The following PARP1 variants were observed in gnomAD, a reference collection of about 807,000 sequenced individuals.
PARP1 encodes poly(ADP-ribose) polymerase 1, also known as poly [ADP-ribose] polymerase 1.
Under a neutral mutation model 118.7 loss-of-function variants are expected in PARP1, and 44 were observed. That is an observed-to-expected ratio of 0.37 (90% CI 0.29 to 0.48). PARP1 has a LOEUF of 0.48. Ranked by LOEUF, PARP1 falls within the 20% of genes least tolerant of loss-of-function variation. PARP1 has a pLI of 0.99. For synonymous variants in PARP1, 492 were observed against 483.2 expected (o/e 1.02, Z -0.24); for missense variants, 1,100 against 1,272.4 (o/e 0.86, Z 2.06).
At chr1:226,363,718 G>A (rs904235872) in intron 20 of PARP1, among the ~76,000 whole-genome samples, 2 of 152,220 alleles carry the variant, frequency 1.3e-5, no homozygotes, top group Non-Finnish European at 2.9e-5. Context: ...CAGCTCTGGA[G>A]GCCTGGCTGC....
At chr1:226,398,347 T>C (rs143328004) in intron 2 of PARP1, among the ~76,000 whole-genome samples, 2 of 152,012 alleles carry the variant, frequency 1.3e-5, no homozygotes, top group Admixed American at 6.6e-5. Context: ...TTGAGACCAG[T>C]CTGGGCAACA....
chr1:226,385,742 T>G (rs1395659175), intron 6 of PARP1, 62 bp from the exon 7 acceptor site: 41 of 1,424,764 alleles, frequency 2.9e-5, no homozygotes, highest in Admixed American at 5.0e-5. Flanking sequence ...GGACACTTAC[T>G]AATGTGGGAT....
At chr1:226,373,501 G>A (rs1475285576) in intron 14 of PARP1, among the ~76,000 whole-genome samples, 1 of 152,140 alleles carries the variant, frequency 6.6e-6, no homozygotes, top group African/African-American at 2.4e-5. Flanking sequence ...GAACAAGGGG[G>A]CCGCCCTTTT....
At chr1:226,362,658 C>T (rs2102725267) in intron 21 of PARP1, among the ~76,000 whole-genome samples, 1 of 152,260 alleles carries the variant, frequency 6.6e-6, no homozygotes, top group Admixed American at 6.5e-5. Flanking sequence ...TTCTAGCAAT[C>T]CAAGATGCTC....
intron 22 of PARP1, 147 bp from the exon 23 acceptor site, chr1:226,361,688 C>T (rs762731073): frequency 1.8e-5 from 13 of 713,512 alleles, no homozygotes; most frequent in East Asian, 1.1e-4. Flanking sequence ...CTCATCTCCC[C>T]GGGGCTGGCA....
rs1558232864 is a variant in PARP1 at position 226,363,971 on chromosome 1, G to C, written c.2758C>G (p.Leu920Val). ...TSQGDPIGLI[L>V]LGEVALGNMY... ...TTTCCAAGGGCAACTTCTCCCAACA[G>C]GATTAAGCCTATTGGGTCTCCCTGA... The change falls in exon 20 of 23, where the codon CTG (leucine) becomes GTG (valine). Residue 920 changes from leucine (L) to valine (V), a missense_variant. Leu to Val is a conservative substitution (Grantham distance 32). Coordinates refer to ENST00000366794, the MANE Select transcript of PARP1 (RefSeq NM_001618.4). 9 of 1,614,062 alleles carry C rather than the reference G, an allele frequency of 5.6e-6. No individual in the cohort carries two copies. Among genetic ancestry groups the C allele is most frequent in the Non-Finnish European group, 7.6e-6 (9 of 1,179,982 alleles).
intron 7 of PARP1, 22 bp downstream of exon 7, chr1:226,385,482 A>G (rs752347156): frequency 6.2e-7 from 1 of 1,611,426 alleles, no homozygotes; most frequent in East Asian, 2.2e-5. Context: ...AACAGATCCC[A>G]GGATCTTCCC....
rs529761343 is a variant in PARP1, at chr1:226,362,178, GTCTT to G, written c.2849-99_2849-96del. 548 of 725,302 alleles carry G rather than the reference GTCTT, an allele frequency of 7.6e-4. 2 individuals are homozygous for G. The highest frequency in any genetic ancestry group is 7.5e-3 in the African/African-American group (420 of 56,312). 44.9% of individuals were successfully genotyped at this position (725,302 alleles called of 1,614,324 possible). ...CTCTATTTGATGTTGGGTCCATGTGGTCTTTCTTTTTTTTTTTTTTCCTTTTTGA... is the reference window on the plus strand; with the variant it reads ...CTCTATTTGATGTTGGGTCCATGTGGTCTTTTTTTTTTTTTTCCTTTTTGA... On this transcript the variant is annotated intron_variant, in intron 21 of 22. Transcript: ENST00000366794.
chr1:226,365,279 G>T, intron 18 of PARP1, 125 bp from the exon 19 acceptor site: 2 of 1,077,786 alleles, frequency 1.9e-6, no homozygotes, highest in Non-Finnish European at 2.8e-6. Context: ...CTTAAGGTCT[G>T]CTGCAATGTA....
At chr1:226,407,388 A>AC (rs200662936) in intron 1 of PARP1, among the ~76,000 whole-genome samples, 4 of 151,266 alleles carry the variant, frequency 2.6e-5, no homozygotes, top group Admixed American at 1.3e-4. Flanking sequence ...AAAAAAAAAA[A>AC]CCCACATGTC....
At chr1:226,395,457 A>G (rs549343538) in intron 2 of PARP1, among the ~76,000 whole-genome samples, 6 of 152,148 alleles carry the variant, frequency 3.9e-5, no homozygotes, top group African/African-American at 1.4e-4. Flanking sequence ...AGCCTGGCCC[A>G]TGTGGTGAAA....
intron 7 of PARP1, among the ~76,000 whole-genome samples, chr1:226,383,818 T>C (rs1013609680): frequency 6.6e-6 from 1 of 152,200 alleles, no homozygotes; most frequent in Non-Finnish European, 1.5e-5. Flanking sequence ...CAGGGAAAGA[T>C]ACTGTGCTCC....
chr1:226,407,877 C>G lies in PARP1; in HGVS notation c.53G>C (p.Arg18Pro). Residue 18 changes from arginine to proline, a missense_variant, in exon 1 of 23, where the codon CGC (arginine) becomes CCC (proline). Coordinates refer to ENST00000366794, the MANE Select transcript of PARP1 (RefSeq NM_001618.4). ...LYRVEYAKSG[R>P]ASCKKCSESI... ...CTCGCTGCATTTCTTGCAAGAGGCG[C>G]GCCCGCTCTTGGCGTACTCGACTCG... is the stretch of plus-strand genomic sequence containing the variant. The G allele has an allele frequency of 6.2e-7, 1 of 1,611,158 alleles. No individual in the cohort carries two copies. The highest frequency in any genetic ancestry group is 8.5e-7 in the Non-Finnish European group (1 of 1,178,672).
Position 226,393,478 on chromosome 1 carries a change from T to C in PARP1, c.287-1164A>G, listed in dbSNP as rs566494110. 1.3e-3 allele frequency among the ~76,000 whole-genome samples: 192 copies of C among 152,282 alleles called. 1 individual carries two copies. Among genetic ancestry groups the C allele is most frequent in the African/African-American group, 4.5e-3 (185 of 41,568 alleles). On this transcript the variant is annotated intron_variant, in intron 2 of 22. Coordinates refer to ENST00000366794, the MANE Select transcript of PARP1 (RefSeq NM_001618.4). ...AACTGGCAACAACCCCAAAGTCACCTACAGAAAAATGGATAAACAAATGGA... is the reference window on the plus strand; with the variant it reads ...AACTGGCAACAACCCCAAAGTCACCCACAGAAAAATGGATAAACAAATGGA...
intron 19 of PARP1, 81 bp downstream of exon 19, chr1:226,364,921 C>T: frequency 1.3e-6 from 2 of 1,503,646 alleles, no homozygotes; most frequent in South Asian, 1.1e-5. Flanking sequence ...CCTAAACCAA[C>T]TAGACCTCTT....
Position 226,370,527 on chromosome 1 carries a change from CAG to C in PARP1, c.2071-12_2071-11del, listed in dbSNP as rs1664359617. On this transcript the variant is annotated splice_polypyrimidine_tract_variant and intron_variant, in intron 14 of 22. Coordinates refer to ENST00000366794, the MANE Select transcript of PARP1 (RefSeq NM_001618.4). ...TCTTCTGAAGGTCGATCTGAGGAGACAGGGGATTTCGCTCTGAAAGCTGGGCA... is the reference window on the plus strand; with the variant it reads ...TCTTCTGAAGGTCGATCTGAGGAGACGGGATTTCGCTCTGAAAGCTGGGCA... 11 of 1,610,366 alleles carry C rather than the reference CAG, an allele frequency of 6.8e-6. No homozygotes were observed. Among genetic ancestry groups the C allele is most frequent in the South Asian group, 4.4e-5 (4 of 91,042 alleles).
chr1:226,400,746 C>G (rs1421868557), intron 2 of PARP1, among the ~76,000 whole-genome samples: 8 of 152,222 alleles, frequency 5.3e-5, no homozygotes, highest in Admixed American at 4.6e-4. Flanking sequence ...GCCAGGAACA[C>G]AGTCTGGAAG....
chr1:226,386,268 T>G (rs1166441309), intron 6 of PARP1, 58 bp downstream of exon 6: 1 of 1,011,170 alleles, frequency 9.9e-7, no homozygotes, highest in Non-Finnish European at 1.6e-6. Flanking sequence ...GGACAGTCAC[T>G]CCACAACGAC....
At chr1:226,362,631 A>C (rs1445133265) in intron 21 of PARP1, among the ~76,000 whole-genome samples, 1 of 152,220 alleles carries the variant, frequency 6.6e-6, no homozygotes, top group East Asian at 1.9e-4. Flanking sequence ...GGAAGGTTCT[A>C]AATCATATGC....
Sources: gnomAD v4.1 joint callset for allele counts (sites outside exome capture counted in the v4.1 genomes callset) on GRCh38, gnomAD v4.1.1 for gene constraint, MANE v1.5 for transcripts, NCBI Gene and HGNC (gene_info 2026-07-23, HGNC 2026-07-21) for gene names.